The following TVP23A variants were observed in gnomAD, a reference collection of about 807,000 sequenced individuals.
TVP23A encodes the protein Golgi apparatus membrane protein TVP23 homolog A.
A neutral mutation model predicts 31.7 loss-of-function variants in TVP23A; 21 were observed. The ratio of observed to expected loss-of-function variants is 0.66; its 90% confidence interval spans 0.47 to 0.95. The LOEUF (loss-of-function observed/expected upper bound fraction) is 0.95, where lower values mean the gene tolerates loss of function less well. TVP23A is among the 40% of genes least tolerant of loss of function. The probability of loss-of-function intolerance (pLI) is 0.00; values close to 1 mark genes in which losing one functional copy is unlikely to be tolerated. For synonymous variants in TVP23A, 104 were observed against 96.0 expected (o/e 1.08, Z -0.49); for missense variants, 279 against 255.6 (o/e 1.09, Z -0.62).
At chr16:10,758,140 C>A, downstream of TVP23A, 26 of 1,238,490 alleles carry the variant, frequency 2.1e-5, no homozygotes, top group Non-Finnish European at 2.7e-5. Context: ...AGTGTGTGTT[C>A]CGCAGCTGCA....
chr16:10,761,966 G>T, downstream of TVP23A: 1 of 835,478 alleles, frequency 1.2e-6, no homozygotes, highest in Non-Finnish European at 1.9e-6. Context: ...GAAGGAGGAG[G>T]GTCAATGGGG....
At chr16:10,811,372 A>T (rs1212053615) in intron 2 of TVP23A, among the ~76,000 whole-genome samples, 1 of 152,072 alleles carries the variant, frequency 6.6e-6, no homozygotes. Flanking sequence ...AGGCTCAAGC[A>T]ATCTTCCTAC....
intron 2 of TVP23A, among the ~76,000 whole-genome samples, chr16:10,786,657 C>A (rs1265555586): frequency 1.3e-5 from 2 of 151,590 alleles, no homozygotes; most frequent in Non-Finnish European, 2.9e-5. Flanking sequence ...TTAAAAATAA[C>A]CTGAGTGTGC....
intron 2 of TVP23A, among the ~76,000 whole-genome samples, chr16:10,809,090 A>G (rs965753675): frequency 5.9e-5 from 9 of 152,220 alleles, no homozygotes; most frequent in Non-Finnish European, 8.8e-5. Context: ...CGTGATCAGA[A>G]TAACAGGTGC....
chr16:10,797,778 G>A (rs905912531), intron 2 of TVP23A, among the ~76,000 whole-genome samples: 8 of 151,904 alleles, frequency 5.3e-5, no homozygotes, highest in African/African-American at 1.2e-4. Context: ...TTGAATTGAT[G>A]TGATCTCTGT....
intron 5 of TVP23A, among the ~76,000 whole-genome samples, chr16:10,772,527 G>A (rs979981466): frequency 3.3e-5 from 5 of 152,056 alleles, no homozygotes; most frequent in Admixed American, 6.6e-5. Context: ...GTGCCACTAC[G>A]CCCAGCTAAT....
intron 2 of TVP23A, among the ~76,000 whole-genome samples, chr16:10,814,899 C>G (rs1273327611): frequency 6.7e-6 from 1 of 148,484 alleles, no homozygotes; most frequent in East Asian, 2.1e-4. Context: ...GATCTCCACG[C>G]AGGCCACTTC....
chr16:10,813,491 G>T (rs1355048141), intron 2 of TVP23A, among the ~76,000 whole-genome samples: 1 of 152,114 alleles, frequency 6.6e-6, no homozygotes, highest in East Asian at 1.9e-4. Flanking sequence ...TGGATCCTTT[G>T]GGAGCACTTT....
At chr16:10,804,035 AT>A (rs1249612372) in intron 2 of TVP23A, among the ~76,000 whole-genome samples, 1 of 152,238 alleles carries the variant, frequency 6.6e-6, no homozygotes, top group Non-Finnish European at 1.5e-5. Context: ...CTAAGGACAA[AT>A]TTAGGAAGCA....
chr16:10,766,672 A>T (rs941384142), downstream of TVP23A: 1 of 317,498 alleles, frequency 3.1e-6, no homozygotes, highest in East Asian at 5.0e-5. The surrounding 1 kb of genome is among the most constrained non-coding windows in gnomAD (Gnocchi z 4.8). Context: ...CAAAACGCAC[A>T]AAGAAAGGAA....
chr16:10,803,245 CTGTGTGTGTGTGTGTGTGTGTGTG>C (rs3040297), intron 2 of TVP23A, among the ~76,000 whole-genome samples: 1 of 135,378 alleles, frequency 7.4e-6, no homozygotes, highest in Non-Finnish European at 1.5e-5. Flanking sequence ...GATCGCGCCA[CTGTGTGTGTGTGTGTGTGTGTGTG>C]TGTGTGTGTG....
chr16:10,768,716 G>A lies in TVP23A; in HGVS notation c.*386C>T, dbSNP rs990884354. Reference sequence around the variant, plus strand: ...GAGGCCCCAGAGTTAGGGCAGAGGTGTCAGTGTTTGTTAAAGCTGTGGTCT... The same window carrying A: ...GAGGCCCCAGAGTTAGGGCAGAGGTATCAGTGTTTGTTAAAGCTGTGGTCT... On this transcript the variant is annotated 3_prime_UTR_variant, in exon 8 of 8. Transcript: ENST00000299866. This position sits in a 1 kb window ranked among gnomAD's most constrained non-coding sequence, Gnocchi z 4.3. 1.9e-5 allele frequency: 5 copies of A among 261,416 alleles called. No homozygotes were observed. The highest frequency in any genetic ancestry group is 3.6e-5 in the Non-Finnish European group (5 of 139,984). The allele number at this position is 261,416 out of a possible 1,614,324, so 16.2% of individuals were successfully genotyped here.
chr16:10,786,257 CA>C (rs1184466607), intron 2 of TVP23A, among the ~76,000 whole-genome samples: 1 of 152,124 alleles, frequency 6.6e-6, no homozygotes, highest in Non-Finnish European at 1.5e-5. Context: ...CTAAATTCGG[CA>C]GTGATCTAAC....
At chr16:10,785,913 C>T (rs571970184) in intron 2 of TVP23A, among the ~76,000 whole-genome samples, 9 of 152,240 alleles carry the variant, frequency 5.9e-5, no homozygotes, top group African/African-American at 1.4e-4. Flanking sequence ...TTTGGGTACC[C>T]TACAGGTGGT....
chr16:10,793,787 T>G (rs2142992519), intron 2 of TVP23A, among the ~76,000 whole-genome samples: 1 of 149,426 alleles, frequency 6.7e-6, no homozygotes, highest in East Asian at 2.0e-4. Context: ...TGGTCCAACC[T>G]ATGTGGGAGG....
At chr16:10,763,010 G>A (rs971729093), downstream of TVP23A, among the ~76,000 whole-genome samples, 13 of 152,138 alleles carry the variant, frequency 8.5e-5, no homozygotes, top group Admixed American at 5.9e-4. Flanking sequence ...GGGTTCTGGC[G>A]TTGGTGTAGA....
At chr16:10,776,464 G>T (rs757204735) in intron 2 of TVP23A, among the ~76,000 whole-genome samples, 7 of 152,216 alleles carry the variant, frequency 4.6e-5, no homozygotes, top group Non-Finnish European at 1.0e-4. Context: ...ATGTGGGCCA[G>T]ACTGAAGACA....
chr16:10,785,096 C>CAACA, intron 2 of TVP23A, among the ~76,000 whole-genome samples: 1 of 76,346 alleles, frequency 1.3e-5, no homozygotes, highest in African/African-American at 4.9e-5. Context: ...GACTCCGTCT[C>CAACA]AAAAAAAAAA....
At chr16:10,776,597 TTCAG>T (rs1567282435) in intron 2 of TVP23A, among the ~76,000 whole-genome samples, 2 of 152,116 alleles carry the variant, frequency 1.3e-5, no homozygotes, top group Non-Finnish European at 1.5e-5. Flanking sequence ...CAGAAAGGGT[TTCAG>T]ATCCAGACCC....
Sources: allele counts gnomAD v4.1 joint callset (sites outside exome capture counted in the v4.1 genomes callset), GRCh38; gene constraint gnomAD v4.1.1; non-coding constraint Gnocchi (gnomAD v3.1); transcripts MANE v1.5; gene names NCBI Gene and HGNC (gene_info 2026-07-23, HGNC 2026-07-21).